Variants in RAMP3 observed in about 807,000 individuals in gnomAD.
The protein encoded by RAMP3 is receptor activity-modifying protein 3.
Under a neutral mutation model 13.5 loss-of-function variants are expected in RAMP3, and 14 were observed. That is an observed-to-expected ratio of 1.04 (90% CI 0.69 to 1.63). The LOEUF (loss-of-function observed/expected upper bound fraction) is 1.63. RAMP3 is among the 40% of genes most tolerant of loss of function. The pLI is 0.00. For missense variants in RAMP3, 200 were observed against 204.8 expected (o/e 0.98, Z 0.14); for synonymous variants, 106 against 88.3 (o/e 1.20, Z -1.12).
rs145143284 is a variant in RAMP3 at position 45,174,902 on chromosome 7, C to T, written c.59-2407C>T. On this transcript the variant is annotated intron_variant, in intron 1 of 2. Coordinates refer to ENST00000242249, the MANE Select transcript of RAMP3 (RefSeq NM_005856.3). Reference sequence around the variant, plus strand: ...CAACACAGTCCGCAACACATGATAGCGGTGGTCCAGGATGTTTTGCTAAAT... The same window carrying T: ...CAACACAGTCCGCAACACATGATAGTGGTGGTCCAGGATGTTTTGCTAAAT... Among the ~76,000 whole-genome samples, 361 of 152,330 alleles carry T rather than the reference C, an allele frequency of 2.4e-3. 6 individuals carry two copies. Among genetic ancestry groups the T allele is most frequent in the African/African-American group, 8.3e-3 (345 of 41,572 alleles).
chr7:45,173,813 T>A (rs112659225), intron 1 of RAMP3, among the ~76,000 whole-genome samples: 3 of 152,340 alleles, frequency 2.0e-5, no homozygotes, highest in Admixed American at 6.5e-5. Context: ...TCAGCAGCTT[T>A]GCCCACAGCT....
At chr7:45,177,250 C>T in intron 1 of RAMP3, 59 bp from the exon 2 acceptor site, 4 of 1,607,324 alleles carry the variant, frequency 2.5e-6, no homozygotes, top group Middle Eastern at 3.3e-4. Flanking sequence ...TGGGCCTCCC[C>T]TGTCCTGGCA....
intron 2 of RAMP3, 144 bp from the exon 3 acceptor site, chr7:45,183,013 T>A (rs926285294): frequency 3.5e-6 from 4 of 1,141,222 alleles, no homozygotes; most frequent in Non-Finnish European, 4.9e-6. Flanking sequence ...GTGGCCAGAA[T>A]GGGGATTTTC....
At chr7:45,160,941 C>T (rs897856566) in intron 1 of RAMP3, among the ~76,000 whole-genome samples, 6 of 152,306 alleles carry the variant, frequency 3.9e-5, no homozygotes, top group African/African-American at 1.4e-4. Flanking sequence ...CTGGGAGCCC[C>T]TCAAGCCTCA....
chr7:45,173,850 G>A (rs1436642155), intron 1 of RAMP3, among the ~76,000 whole-genome samples: 11 of 152,184 alleles, frequency 7.2e-5, no homozygotes, highest in Non-Finnish European at 1.2e-4. Context: ...CTACCATCCT[G>A]GGGTCCTCAC....
chr7:45,178,916 G>A (rs529025821), intron 2 of RAMP3, among the ~76,000 whole-genome samples: 14 of 152,162 alleles, frequency 9.2e-5, no homozygotes, highest in African/African-American at 3.4e-4. Context: ...CAGACCTGAT[G>A]CTGGAAAAGG....
chr7:45,176,115 C>G (rs1295322510), intron 1 of RAMP3, among the ~76,000 whole-genome samples: 1 of 152,158 alleles, frequency 6.6e-6, no homozygotes, highest in East Asian at 1.9e-4. Context: ...GCATTTCAGA[C>G]TAAGTTAGCC....
intron 1 of RAMP3, among the ~76,000 whole-genome samples, chr7:45,162,819 T>TG (rs1384393527): frequency 6.6e-6 from 1 of 152,088 alleles, no homozygotes; most frequent in African/African-American, 2.4e-5. Flanking sequence ...AGTGAGTGAG[T>TG]GTCAGGGTCA....
At chr7:45,182,868 C>T (rs951959310) in intron 2 of RAMP3, among the ~76,000 whole-genome samples, 1 of 152,140 alleles carries the variant, frequency 6.6e-6, no homozygotes, top group Non-Finnish European at 1.5e-5. Context: ...CTGCGTAGTG[C>T]TTAGAGGTCC....
At chr7:45,176,806 G>A (rs1439302107) in intron 1 of RAMP3, among the ~76,000 whole-genome samples, 1 of 152,238 alleles carries the variant, frequency 6.6e-6, no homozygotes, top group Non-Finnish European at 1.5e-5. Context: ...AGTGGCCTCA[G>A]CCCCTGGTTT....
chr7:45,163,513 G>A (rs1785902457), intron 1 of RAMP3: 2 of 985,384 alleles, frequency 2.0e-6, no homozygotes, highest in South Asian at 4.7e-5. Context: ...AGAGGGGCAG[G>A]TGCTGCCAGC....
In RAMP3 at chr7:45,183,784, A is replaced by C. The variant is rs985732483; in HGVS notation, c.*372A>C. The C allele has an allele frequency of 2.8e-5, 15 of 530,748 alleles. No individual in the cohort carries two copies. The highest frequency in any genetic ancestry group is 5.0e-5 in the Non-Finnish European group (15 of 300,792). The allele number at this position is 530,748 out of a possible 1,614,324, so 32.9% of individuals were successfully genotyped here. ...CAGAATCCAGCCTAGCCTTAGCCGC[A>C]GTCTAGGCCCTGCTTGGACTAGGAC... On this transcript the variant is annotated 3_prime_UTR_variant, in exon 3 of 3. Coordinates refer to ENST00000242249, the MANE Select transcript of RAMP3 (RefSeq NM_005856.3).
chr7:45,162,852 C>G (rs1785890579), intron 1 of RAMP3, among the ~76,000 whole-genome samples: 4 of 152,168 alleles, frequency 2.6e-5, no homozygotes, highest in Admixed American at 6.5e-5. Flanking sequence ...AGGTGAGCAC[C>G]TAGAGCCTTC....
intron 2 of RAMP3, among the ~76,000 whole-genome samples, chr7:45,180,142 A>G (rs903411567): frequency 1.3e-5 from 2 of 152,260 alleles, no homozygotes; most frequent in Non-Finnish European, 2.9e-5. Flanking sequence ...TGTGGAGCAA[A>G]CCACGACAAA....
At position 45,176,133 on chromosome 7, in the gene RAMP3, C is replaced by T. The variant is rs547182022; in HGVS notation, c.59-1176C>T. 1.3e-3 allele frequency among the ~76,000 whole-genome samples: 205 copies of T among 152,282 alleles called. 1 individual carries two copies. The highest frequency in any genetic ancestry group is 4.5e-3 in the African/African-American group (189 of 41,548). On this transcript the variant is annotated intron_variant, in intron 1 of 2. Transcript: ENST00000242249. ...TTTCAGACTAAGTTAGCCAGCTCAA[C>T]CTCCTTGTGAGGTGGGGCCTGTATC...
Position 45,157,800 on chromosome 7 carries a change from G to C in RAMP3, c.-29G>C, listed in dbSNP as rs1418028602. ...CCCCAGCCGCGCCCCCAGCGGGACC[G>C]AGCGTGACCCAGCTGCGGCCGGCCA... On this transcript the variant is annotated 5_prime_UTR_variant, in exon 1 of 3. Transcript: ENST00000242249. 6 of 1,153,256 alleles carry C rather than the reference G, an allele frequency of 5.2e-6. No individual in the cohort carries two copies. Among genetic ancestry groups the C allele is most frequent in the Middle Eastern group, 3.0e-4 (1 of 3,378 alleles). The allele number at this position is 1,153,256 out of a possible 1,614,324, so 71.4% of individuals were successfully genotyped here. A position where few individuals can be genotyped will look rare whatever the true frequency, so the allele number is the denominator to read the frequency against.
chr7:45,168,214 T>G (rs1786008503), intron 1 of RAMP3, among the ~76,000 whole-genome samples: 1 of 151,760 alleles, frequency 6.6e-6, no homozygotes, highest in Non-Finnish European at 1.5e-5. Flanking sequence ...CAGCCTGGCC[T>G]ACGTGGTGAA....
intron 2 of RAMP3, among the ~76,000 whole-genome samples, chr7:45,182,113 T>C (rs1294924): frequency 0.42 from 63,138 of 152,082 alleles, 14,203 homozygotes; most frequent in Admixed American, 0.51. Context: ...GGCAGCTCTT[T>C]CCTGTTGATG....
chr7:45,158,703 T>C lies in RAMP3; in HGVS notation c.58+817T>C, dbSNP rs112287567. The stretch of plus-strand genomic sequence containing the variant: ...TTGGTGATGGAGGGCCCTGGCCTGG[T>C]GGTCCCCAGTTTCCCTGGCTGTAAG... On this transcript the variant is annotated intron_variant, in intron 1 of 2. Transcript: ENST00000242249. Among the ~76,000 whole-genome samples, 770 of 152,250 alleles carry C rather than the reference T, an allele frequency of 5.1e-3. 11 individuals are homozygous for C. The highest frequency in any genetic ancestry group is 0.018 in the African/African-American group (734 of 41,534).
Sources: gnomAD v4.1 joint callset for allele counts (sites outside exome capture counted in the v4.1 genomes callset) on GRCh38, gnomAD v4.1.1 for gene constraint, MANE v1.5 for transcripts, NCBI Gene and HGNC (gene_info 2026-07-23, HGNC 2026-07-21) for gene names.